The following UBA3 variants were observed in gnomAD, a reference collection of about 807,000 sequenced individuals.
UBA3 encodes the protein NEDD8-activating enzyme E1 catalytic subunit.
Under a neutral mutation model 73.5 loss-of-function variants are expected in UBA3, and 26 were observed. The observed-to-expected ratio is 0.35, with a 90% CI of 0.26 to 0.49. UBA3 has a LOEUF of 0.49. UBA3 is among the 20% of genes least tolerant of loss of function. The pLI is 0.98. For synonymous variants in UBA3, 217 were observed against 191.2 expected (o/e 1.13, Z -1.11); for missense variants, 495 against 555.6 (o/e 0.89, Z 1.10).
intron 5 of UBA3, 142 bp downstream of exon 5, chr3:69,071,385 ACCTACAAT>A: frequency 1.9e-6 from 1 of 532,378 alleles, no homozygotes; most frequent in Non-Finnish European, 3.3e-6. Flanking sequence ...ACAAAACTTT[ACCTACAAT>A]GGGAATGGTA....
intron 4 of UBA3, among the ~76,000 whole-genome samples, chr3:69,072,461 G>A (rs767088808): frequency 3.3e-5 from 5 of 152,150 alleles, no homozygotes; most frequent in African/African-American, 4.8e-5. Flanking sequence ...AATAACCTCC[G>A]TGTTGCTAAC....
rs1014889744 is a variant in UBA3 at position 69,055,466 on chromosome 3, C to T, written c.1363G>A (p.Val455Ile). ...GAAGTAAAATGAAGTTTGAATAGTA[C>T]AGTCTGTGGGGTGGTGACATCAGCA... ...AVADVTTPQT[V>I]LFKLHFTS Residue 455 changes from valine to isoleucine, a missense_variant, in exon 18 of 18, where the codon GTA (valine) becomes ATA (isoleucine). Coordinates refer to ENST00000361055, the MANE Select transcript of UBA3 (RefSeq NM_003968.4). 2 of 1,563,286 alleles carry T rather than the reference C, an allele frequency of 1.3e-6. No individual in the cohort carries two copies. The highest frequency in any genetic ancestry group is 1.7e-6 in the Non-Finnish European group (2 of 1,165,128).
rs898086098 is a variant in UBA3 at position 69,062,196 on chromosome 3, T to C, written c.694-17A>G. On this transcript the variant is annotated splice_polypyrimidine_tract_variant and intron_variant, in intron 9 of 17. Coordinates refer to ENST00000361055, the MANE Select transcript of UBA3 (RefSeq NM_003968.4). ...AAAATTAACCTAAAACCACAGTTTG[T>C]CCTTTTCAGTGAATTTTAAACGAAT... 1.3e-5 allele frequency: 19 copies of C among 1,506,260 alleles called. No homozygotes were observed. Among genetic ancestry groups the C allele is most frequent in the Non-Finnish European group, 1.7e-5 (18 of 1,089,240 alleles). 93.3% of individuals were successfully genotyped at this position (1,506,260 alleles called of 1,614,324 possible).
chr3:69,078,950 T>C (rs557188803), intron 2 of UBA3, among the ~76,000 whole-genome samples: 1 of 152,338 alleles, frequency 6.6e-6, no homozygotes, highest in South Asian at 2.1e-4. Flanking sequence ...TTAGTTAAGA[T>C]TCACGTTTGG....
At chr3:69,067,205 C>G (rs2092079672) in intron 6 of UBA3, among the ~76,000 whole-genome samples, 1 of 152,184 alleles carries the variant, frequency 6.6e-6, no homozygotes, top group South Asian at 2.1e-4. Flanking sequence ...TGAAGATGGA[C>G]TATCTCTCCA....
chr3:69,077,108 T>C (rs2092174341), intron 3 of UBA3, among the ~76,000 whole-genome samples: 1 of 142,448 alleles, frequency 7.0e-6, no homozygotes, highest in Non-Finnish European at 1.5e-5. Context: ...ATTCTTTTTC[T>C]TTTTTTTTTT....
At chr3:69,074,530 G>A (rs2092148073) in intron 4 of UBA3, among the ~76,000 whole-genome samples, 3 of 152,164 alleles carry the variant, frequency 2.0e-5, no homozygotes, top group Admixed American at 2.0e-4. Flanking sequence ...CAAAATTAAT[G>A]TGGCTATGTT....
At chr3:69,056,149 T>C (rs1316589863) in intron 15 of UBA3, 34 bp downstream of exon 15, 17 of 1,563,198 alleles carry the variant, frequency 1.1e-5, no homozygotes, top group Non-Finnish European at 1.5e-5. Context: ...ACAAAAATGA[T>C]TTTTACAACA....
intron 10 of UBA3, 35 bp downstream of exon 10, chr3:69,062,042 T>C: frequency 6.8e-7 from 1 of 1,479,144 alleles, no homozygotes; most frequent in Non-Finnish European, 9.3e-7. Flanking sequence ...ATATGTATTT[T>C]ATGTAATTCT....
At chr3:69,064,655 T>G (rs1286185554) in intron 6 of UBA3, among the ~76,000 whole-genome samples, 1 of 152,194 alleles carries the variant, frequency 6.6e-6, no homozygotes, top group Non-Finnish European at 1.5e-5. Context: ...CCTTTCTCAT[T>G]TAACTCAGTT....
At chr3:69,062,218 G>T in intron 9 of UBA3, 39 bp from the exon 10 acceptor site, 1 of 1,346,740 alleles carries the variant, frequency 7.4e-7, no homozygotes, top group African/African-American at 1.4e-5. Flanking sequence ...AATTTTAAAC[G>T]AATTATTTTA....
chr3:69,080,173 A>G lies in UBA3; in HGVS notation c.21-20T>C, dbSNP rs1451510798. On this transcript the variant is annotated intron_variant, in intron 1 of 17. Coordinates refer to ENST00000361055, the MANE Select transcript of UBA3 (RefSeq NM_003968.4). ...TTCTCCCTAAAAGAGAGAATAAAAG[A>G]AGGGTCAGCATCGCGCTACACACTG... The G allele has an allele frequency of 6.2e-7, 1 of 1,607,644 alleles. No homozygotes were observed. The highest frequency in any genetic ancestry group is 8.5e-7 in the Non-Finnish European group (1 of 1,178,238).
rs543097251 is a variant in UBA3, at chr3:69,059,875, T to C, written c.910+1939A>G. Among the ~76,000 whole-genome samples the C allele has an allele frequency of 2.0e-5, 3 of 152,314 alleles. No individual in the cohort carries two copies. The South Asian group carries it at 6.2e-4, about 32-fold the overall frequency. On this transcript the variant is annotated intron_variant, in intron 11 of 17. Coordinates refer to ENST00000361055, the MANE Select transcript of UBA3 (RefSeq NM_003968.4). ...ACTATGATTGAGCATGACTGGTTAC[T>C]AGACAAATCATGTTGGAGTAGCCTC...
chr3:69,060,666 T>C (rs1369046358), intron 11 of UBA3, among the ~76,000 whole-genome samples: 1 of 152,218 alleles, frequency 6.6e-6, no homozygotes, highest in Non-Finnish European at 1.5e-5. Flanking sequence ...ATAGTTTGGA[T>C]ATCTGTCCCC....
At chr3:69,074,055 G>A (rs1245176816) in intron 4 of UBA3, among the ~76,000 whole-genome samples, 1 of 152,134 alleles carries the variant, frequency 6.6e-6, no homozygotes, top group South Asian at 2.1e-4. Flanking sequence ...TTGTGTAAAA[G>A]ATTACTATAA....
intron 4 of UBA3, among the ~76,000 whole-genome samples, chr3:69,074,213 T>C (rs2092145638): frequency 6.6e-6 from 1 of 152,212 alleles, no homozygotes; most frequent in Non-Finnish European, 1.5e-5. Flanking sequence ...CTTGTACATT[T>C]ATAATACCTA....
At position 69,063,466 on chromosome 3, in the gene UBA3, G is replaced by T. The variant is rs775997106; in HGVS notation, c.510C>A (p.Ile170=). ...GCATGCCATTTATCCATCTTCTGGC[G>T]ATGATAGAGTCCAGTCCACATACAA... ...HIIVCGLDSI[I]ARRWINGMLI... is the part of the protein sequence containing the mutation. Residue 170 remains isoleucine, a synonymous_variant, in exon 8 of 18, where the codon ATC becomes ATA. Coordinates refer to ENST00000361055, the MANE Select transcript of UBA3 (RefSeq NM_003968.4). 1.3e-6 allele frequency: 2 copies of T among 1,548,750 alleles called. No homozygotes were observed. The highest frequency in any genetic ancestry group is 1.7e-6 in the Non-Finnish European group (2 of 1,145,950).
At chr3:69,080,274 C>T in intron 1 of UBA3, 60 bp downstream of exon 1, 1 of 1,591,758 alleles carries the variant, frequency 6.3e-7, no homozygotes, top group East Asian at 2.3e-5. Context: ...CAACCGCCCA[C>T]CGCCGCGCTC....
At position 69,056,787 on chromosome 3, in the gene UBA3, T is replaced by C; in HGVS notation, c.993A>G (p.Ile331Met). The C allele has an allele frequency of 6.2e-7, 1 of 1,613,086 alleles. No homozygotes were observed. The highest frequency in any genetic ancestry group is 8.5e-7 in the Non-Finnish European group (1 of 1,179,614). The change falls in exon 13 of 18, where the codon ATA becomes ATG. Residue 331 changes from isoleucine (I) to methionine (M), a missense_variant. Coordinates refer to ENST00000361055, the MANE Select transcript of UBA3 (RefSeq NM_003968.4). ...AAVCATEVFK[I>M]ATSAYIPLNN... ...AAAATGAAACCTATTACCTTGTGGC[T>C]ATTTTAAAAACCTCAGTGGCACACA...
Sources: allele counts gnomAD v4.1 joint callset (sites outside exome capture counted in the v4.1 genomes callset), GRCh38; gene constraint gnomAD v4.1.1; transcripts MANE v1.5; gene names NCBI Gene and HGNC (gene_info 2026-07-23, HGNC 2026-07-21).